The following INF2 variants were observed in gnomAD, a reference collection of about 807,000 sequenced individuals.
INF2 encodes inverted formin 2.
A neutral mutation model predicts 123.5 loss-of-function variants in INF2; 43 were observed. The observed-to-expected ratio is 0.35, with a 90% CI of 0.27 to 0.45. The LOEUF (loss-of-function observed/expected upper bound fraction) is 0.45. Among genes scored for constraint, INF2 ranks in the 20% least tolerant of loss-of-function variants. The pLI is 1.00. For missense variants in INF2, 1,453 were observed against 1,682.7 expected, an observed-to-expected ratio of 0.86 and a Z score of 2.39; for synonymous variants, 851 against 745.0, an observed-to-expected ratio of 1.14 and a Z score of -2.32.
At chr14:104,695,474 C>G (rs1889143550) in intron 1 of INF2, among the ~76,000 whole-genome samples, 1 of 149,174 alleles carries the variant, frequency 6.7e-6, no homozygotes, top group African/African-American at 2.5e-5. Flanking sequence ...AGCCGCCCAC[C>G]CACCCAGGCC....
rs1595180626 is a variant in INF2, at chr14:104,714,864, A to T, written c.3694+8A>T. On this transcript the variant is annotated splice_region_variant and intron_variant, in intron 21 of 22. Transcript: ENST00000392634. ...CCTCCAGGAGCCAGGAAGGTAACTC[A>T]GGGAGGGGCCCCGGGCACCGTCCCA... 1 of 1,541,884 alleles carries T rather than the reference A, an allele frequency of 6.5e-7. No homozygotes were observed. Among genetic ancestry groups the T allele is most frequent in the South Asian group, 1.2e-5 (1 of 80,172 alleles).
intron 17 of INF2, 114 bp from the exon 18 acceptor site, chr14:104,712,714 C>T: frequency 1.4e-6 from 2 of 1,463,472 alleles, no homozygotes; most frequent in South Asian, 1.3e-5. Context: ...TTGTCAGAGA[C>T]CACCGTCCTC....
chr14:104,703,443 A>G lies in INF2; in HGVS notation c.656A>G (p.Asn219Ser). 6.2e-7 allele frequency: 1 copy of G among 1,612,286 alleles called. No individual in the cohort carries two copies. The highest frequency in any genetic ancestry group is 8.5e-7 in the Non-Finnish European group (1 of 1,179,866). ...EDLRARTQLR[N>S]EFIGLQLLDV... is the part of the protein sequence containing the mutation. ...CTGCGCGCGCGCACCCAGCTGCGGA[A>G]CGAGTTTATCGGTAAGCACCTGCCC... Residue 219 changes from asparagine to serine, a missense_variant, in exon 4 of 23, where the codon AAC becomes AGC. Physicochemically the swap from Asn to Ser is conservative, Grantham distance 46 (BLOSUM62 1). Coordinates refer to ENST00000392634, the MANE Select transcript of INF2 (RefSeq NM_022489.4).
Position 104,714,567 on chromosome 14 carries a change from G to A in INF2, c.3405G>A (p.Thr1135=), listed in dbSNP as rs766390722. Residue 1135 remains threonine, a synonymous_variant, in exon 21 of 23, where the codon ACG becomes ACA. Coordinates refer to ENST00000392634, the MANE Select transcript of INF2 (RefSeq NM_022489.4). ...CAAGGCAAGATGCCAAGGATCCCAC[G>A]TCCTTGCTGGGCGTCCTCCAGGCCG... ...GSSRQDAKDP[T]SLLGVLQAEA... 21 of 1,612,578 alleles carry A rather than the reference G, an allele frequency of 1.3e-5. No homozygotes were observed. The highest frequency in any genetic ancestry group is 6.7e-5 in the African/African-American group (5 of 74,936).
intron 1 of INF2, among the ~76,000 whole-genome samples, chr14:104,697,688 C>T (rs1177078216): frequency 1.3e-5 from 2 of 152,246 alleles, no homozygotes; most frequent in Non-Finnish European, 2.9e-5. Flanking sequence ...CAGAGGGGGA[C>T]CCTGCCTGCC....
chr14:104,713,629 C>T, intron 20 of INF2, 23 bp downstream of exon 20: 3 of 1,608,834 alleles, frequency 1.9e-6, no homozygotes, highest in East Asian at 2.2e-5. Context: ...CCCACTGCCT[C>T]CTCATGGTCC....
chr14:104,688,828 G>A (rs1051098845), upstream of INF2, among the ~76,000 whole-genome samples: 5 of 152,238 alleles, frequency 3.3e-5, no homozygotes, highest in African/African-American at 1.2e-4. Context: ...GACTTCCAGA[G>A]CTGGGGTCTG....
intron 17 of INF2, 38 bp downstream of exon 17, chr14:104,712,591 C>G: frequency 6.2e-7 from 1 of 1,612,072 alleles, no homozygotes; most frequent in Non-Finnish European, 8.5e-7. Flanking sequence ...GCGGGAGAGG[C>G]TGCCCTGATA....
chr14:104,689,264 G>A, upstream of INF2: 1 of 985,262 alleles, frequency 1.0e-6, no homozygotes, highest in Non-Finnish European at 1.2e-6. Flanking sequence ...CGCCTGGGAG[G>A]CCAGTCCCAC....
chr14:104,713,701 C>T, intron 20 of INF2, 95 bp downstream of exon 20: 3 of 1,402,030 alleles, frequency 2.1e-6, no homozygotes, highest in Admixed American at 4.1e-5. Flanking sequence ...GGAAAGCCCT[C>T]TCCTCTCCCT....
At chr14:104,707,153 GC>G (rs1889818832) in intron 7 of INF2, 99 bp from the exon 8 acceptor site, 10 of 1,509,036 alleles carry the variant, frequency 6.6e-6, no homozygotes, top group African/African-American at 1.4e-5. Flanking sequence ...CCCATCCTCT[GC>G]CCAGGGGAGG....
exon 1 of INF2, chr14:104,681,549 T>C: frequency 7.8e-7 from 1 of 1,288,928 alleles, no homozygotes; most frequent in Non-Finnish European, 1.0e-6. Context: ...AAATTAGCAC[T>C]GGATTTCCAC....
rs10150295 is a variant in INF2, at chr14:104,721,712, C to T, written c.*2919C>T. 0.47 allele frequency: 71,603 copies of T among 152,166 alleles called. 18,297 individuals are homozygous for T. The highest frequency in any genetic ancestry group is 0.89 in the East Asian group (4,585 of 5,172). The allele number at this position is 152,166 out of a possible 1,614,324, so 9.4% of individuals were successfully genotyped here. ...ACAAGGTCATCTGCAGCAAGTGAGA[C>T]CATCGCCCCTCCTGCCTGGAGAGGT... On this transcript the variant is annotated 3_prime_UTR_variant, in exon 23 of 23. Transcript: ENST00000392634.
At chr14:104,696,012 G>A (rs566201403) in intron 1 of INF2, among the ~76,000 whole-genome samples, 3 of 152,228 alleles carry the variant, frequency 2.0e-5, no homozygotes, top group South Asian at 4.2e-4. Flanking sequence ...ATATTCATCC[G>A]AGATGCAGCT....
At chr14:104,694,572 T>C (rs950000600) in intron 1 of INF2, among the ~76,000 whole-genome samples, 1 of 152,050 alleles carries the variant, frequency 6.6e-6, no homozygotes, top group African/African-American at 2.4e-5. Context: ...GCTGTGGGGG[T>C]GGCATTGACA....
At chr14:104,693,377 G>A (rs1214510788) in intron 1 of INF2, among the ~76,000 whole-genome samples, 2 of 152,174 alleles carry the variant, frequency 1.3e-5, no homozygotes, top group African/African-American at 2.4e-5. Context: ...GCCCTTGGTG[G>A]GCCAGAACTC....
In INF2 at chr14:104,684,164, C is replaced by T. The variant is rs1888603626; in HGVS notation, c.-104+2582C>T. The stretch of plus-strand genomic sequence containing the variant: ...CATCATGCAAGTAACCTGCGTGCCG[C>T]CACGGGAAACAGCACGCATCCCATC... On this transcript the variant is annotated intron_variant, in intron 1 of 2. Coordinates refer to the INF2 transcript ENST00000674723. This position sits in a 1 kb window ranked among gnomAD's most constrained non-coding sequence, Gnocchi z 5.0. The T allele has an allele frequency of 2.2e-6, 1 of 455,678 alleles. No homozygotes were observed. Among genetic ancestry groups the T allele is most frequent in the African/African-American group, 2.0e-5 (1 of 50,028 alleles). 28.2% of individuals were successfully genotyped at this position (455,678 alleles called of 1,614,324 possible).
chr14:104,691,439 T>A (rs550944298), intron 1 of INF2, among the ~76,000 whole-genome samples: 1 of 152,142 alleles, frequency 6.6e-6, no homozygotes, highest in South Asian at 2.1e-4. Flanking sequence ...CAAATTTCCC[T>A]GTAGTCAGGA....
chr14:104,714,382 A>G lies in INF2; in HGVS notation c.3220A>G (p.Arg1074Gly). Residue 1074 changes from arginine to glycine, a missense_variant, in exon 21 of 23, where the codon AGG becomes GGG. Arg to Gly is a moderately radical substitution (Grantham distance 125). Around this residue, in one of 8 missense-constraint regions of INF2, gnomAD observed 344 missense variants for 333.1 expected, o/e 1.03. Transcript: ENST00000392634. ...GGAGGGTGGTCCACGGCCCCTGGAG[A>G]GGCGTTCTTCCTGGTATGTGGATGC... ...LEEGGPRPLE[R>G]RSSWYVDASD... is the part of the protein sequence containing the mutation. 1 of 1,600,308 alleles carries G rather than the reference A, an allele frequency of 6.2e-7. No individual in the cohort carries two copies. The highest frequency in any genetic ancestry group is 8.5e-7 in the Non-Finnish European group (1 of 1,174,032).
Sources: allele counts gnomAD v4.1 joint callset (sites outside exome capture counted in the v4.1 genomes callset), GRCh38; gene constraint gnomAD v4.1.1; regional missense constraint gnomAD v4.1.1; non-coding constraint Gnocchi (gnomAD v3.1); transcripts MANE v1.5; gene names NCBI Gene and HGNC (gene_info 2026-07-23, HGNC 2026-07-21).